LRP6: variants seen among roughly 807,000 people sequenced by gnomAD.
LRP6 encodes the protein low-density lipoprotein receptor-related protein 6.
LRP6 carries 43 observed loss-of-function variants against 184.1 expected under a neutral mutation model. The ratio of observed to expected loss-of-function variants is 0.23; its 90% CI spans 0.18 to 0.30. The LOEUF (loss-of-function observed/expected upper bound fraction) is 0.30, where lower values mean the gene tolerates loss of function less well. Among genes scored for constraint, LRP6 ranks in the 10% least tolerant of loss-of-function variants. The pLI, the probability that LRP6 is intolerant of heterozygous loss-of-function variation, is 1.00. For missense variants in LRP6, 1,571 were observed against 2,005.3 expected (o/e 0.78, Z 4.14); for synonymous variants, 719 against 684.9 (o/e 1.05, Z -0.78).
At chr12:12,135,906 C>T (rs1165880825) in intron 16 of LRP6, among the ~76,000 whole-genome samples, 1 of 151,964 alleles carries the variant, frequency 6.6e-6, no homozygotes, top group Non-Finnish European at 1.5e-5. Flanking sequence ...AGGGAGAGGC[C>T]GGGTGCGGTG....
intron 15 of LRP6, among the ~76,000 whole-genome samples, chr12:12,146,758 TG>T (rs1950012981): frequency 6.6e-6 from 1 of 152,194 alleles, no homozygotes; most frequent in Non-Finnish European, 1.5e-5. Context: ...TAAACTTTCA[TG>T]GAGAAAAACT....
At chr12:12,121,444 G>A (rs758481783) in intron 22 of LRP6, 24 bp from the exon 23 acceptor site, 4 of 1,610,372 alleles carry the variant, frequency 2.5e-6, no homozygotes, top group Non-Finnish European at 3.4e-6. Flanking sequence ...AAAATAAAGA[G>A]AAGCAGTTAG....
intron 12 of LRP6, among the ~76,000 whole-genome samples, chr12:12,152,631 A>G (rs1388549862): frequency 6.6e-6 from 1 of 152,176 alleles, no homozygotes; most frequent in Admixed American, 6.5e-5. Context: ...GTCTAAGGCC[A>G]TTTTTTAAAT....
Position 12,119,131 on chromosome 12 carries a change from T to A in LRP6, c.*1995A>T, listed in dbSNP as rs531250163. ...TGTCTGTTTTAGGATTCTGATAGAT[T>A]TACCATTTGCTTATATGCAAAATCA... On this transcript the variant is annotated 3_prime_UTR_variant, in exon 23 of 23. Coordinates refer to ENST00000261349, the MANE Select transcript of LRP6 (RefSeq NM_002336.3). 1.3e-5 allele frequency: 2 copies of A among 152,332 alleles called. No homozygotes were observed. The highest frequency in any genetic ancestry group is 6.5e-5 in the Admixed American group (1 of 15,304). The allele number at this position is 152,332 out of a possible 1,614,324, so 9.4% of individuals were successfully genotyped here. A position where few individuals can be genotyped will look rare whatever the true frequency, so the allele number is the denominator to read the frequency against.
chr12:12,163,424 A>G (rs989479410), intron 9 of LRP6, among the ~76,000 whole-genome samples: 1 of 152,228 alleles, frequency 6.6e-6, no homozygotes, highest in Non-Finnish European at 1.5e-5. Flanking sequence ...CATATTACAA[A>G]AAAGTTTACA....
At chr12:12,211,397 G>A (rs569446569) in intron 2 of LRP6, among the ~76,000 whole-genome samples, 6 of 152,296 alleles carry the variant, frequency 3.9e-5, no homozygotes, top group South Asian at 2.1e-4. Flanking sequence ...AGCCGAGATC[G>A]TGCCACTGCA....
At position 12,225,119 on chromosome 12, in the gene LRP6, C is replaced by A. The variant is rs145053907; in HGVS notation, c.449+19143G>T. Among the ~76,000 whole-genome samples the A allele has an allele frequency of 1.4e-3, 210 of 152,202 alleles. 3 individuals are homozygous for A. In the East Asian group the frequency reaches 0.036, roughly 26 times the overall value. On this transcript the variant is annotated intron_variant, in intron 2 of 22. Coordinates refer to ENST00000261349, the MANE Select transcript of LRP6 (RefSeq NM_002336.3). ...ACTTGGGAGGCTGAGGCAGGCGAAT[C>A]GCTTGAACCCAGTGGGTGGAGGATG...
At chr12:12,121,766 G>A (rs1949610494) in intron 22 of LRP6, among the ~76,000 whole-genome samples, 1 of 152,108 alleles carries the variant, frequency 6.6e-6, no homozygotes, top group African/African-American at 2.4e-5. Context: ...ATAGCCCATG[G>A]GAAGAATGGG....
At chr12:12,234,437 G>A (rs1335005124) in intron 2 of LRP6, among the ~76,000 whole-genome samples, 1 of 151,826 alleles carries the variant, frequency 6.6e-6, no homozygotes, top group African/African-American at 2.4e-5. Flanking sequence ...GCGACAGAGT[G>A]AGACTCCGTC....
intron 3 of LRP6, among the ~76,000 whole-genome samples, chr12:12,194,952 G>T (rs1171068682): frequency 2.0e-5 from 3 of 151,990 alleles, no homozygotes; most frequent in Admixed American, 1.3e-4. Flanking sequence ...GAACATGCAT[G>T]GTTTAATTTT....
rs147716341 is a variant in LRP6, at chr12:12,146,037, C to T, written c.3397+1329G>A. Among the ~76,000 whole-genome samples, 427 of 152,204 alleles carry T rather than the reference C, an allele frequency of 2.8e-3. 2 individuals carry two copies. Among genetic ancestry groups the T allele is most frequent in the African/African-American group, 0.01 (416 of 41,556 alleles). ...ACAAAACTAGATCTTAAGAATTTTT[C>T]TGAAATTTAATTTTTAAAAATCATT... On this transcript the variant is annotated intron_variant, in intron 15 of 22. Transcript: ENST00000261349.
intron 4 of LRP6, 117 bp downstream of exon 4, chr12:12,186,806 T>C (rs1863487445): frequency 1.1e-6 from 1 of 948,598 alleles, no homozygotes; most frequent in Non-Finnish European, 1.7e-6. Context: ...AACTCTTTTT[T>C]ATTCCCGCCA....
intron 16 of LRP6, among the ~76,000 whole-genome samples, chr12:12,136,501 A>AT (rs1330019553): frequency 6.6e-6 from 1 of 152,248 alleles, no homozygotes; most frequent in African/African-American, 2.4e-5. Flanking sequence ...AGAAACCACT[A>AT]GGCAACTTTT....
At position 12,254,933 on chromosome 12, in the gene LRP6, T is replaced by C. The variant is rs559280218; in HGVS notation, c.56-10278A>G. ...ATGGTCAGTTCTTGACTTACCTTTA[T>C]AGTCTCAAGAGGCATTTTAAAGTCC... is the stretch of plus-strand genomic sequence containing the variant. On this transcript the variant is annotated intron_variant, in intron 1 of 22. Coordinates refer to ENST00000261349, the MANE Select transcript of LRP6 (RefSeq NM_002336.3). 1.9e-3 allele frequency among the ~76,000 whole-genome samples: 288 copies of C among 152,332 alleles called. 3 individuals carry two copies. In the South Asian group the frequency reaches 0.025, roughly 13 times the overall value.
At chr12:12,131,140 C>T (rs949962247) in intron 18 of LRP6, among the ~76,000 whole-genome samples, 9 of 111,904 alleles carry the variant, frequency 8.0e-5, no homozygotes, top group African/African-American at 3.0e-4. Context: ...CGGAGTCTTG[C>T]TCTGTCGCCC....
At chr12:12,265,392 GA>G (rs1170913274) in intron 1 of LRP6, among the ~76,000 whole-genome samples, 1 of 151,986 alleles carries the variant, frequency 6.6e-6, no homozygotes, top group Non-Finnish European at 1.5e-5. Context: ...AGTAACTGAA[GA>G]AAGTATTTCT....
chr12:12,184,300 G>T (rs540449888), intron 4 of LRP6, among the ~76,000 whole-genome samples, 189 bp from the exon 5 acceptor site: 15 of 152,070 alleles, frequency 9.9e-5, no homozygotes, highest in Non-Finnish European at 7.4e-5. Flanking sequence ...TAACCAAAGA[G>T]GAATACACAA....
At position 12,127,231 on chromosome 12, in the gene LRP6, A is replaced by C. The variant is rs947966249; in HGVS notation, c.4082-310T>G. On this transcript the variant is annotated intron_variant, in intron 19 of 22. Coordinates refer to ENST00000261349, the MANE Select transcript of LRP6 (RefSeq NM_002336.3). ...AGTACAGATTTAAACACCATTAAGAAGCTTTAAATAAATAAACAGATAAAA... is the reference window on the plus strand; with the variant it reads ...AGTACAGATTTAAACACCATTAAGACGCTTTAAATAAATAAACAGATAAAA... Among the ~76,000 whole-genome samples, 3 of 152,248 alleles carry C rather than the reference A, an allele frequency of 2.0e-5. No individual in the cohort carries two copies. The East Asian group carries it at 5.8e-4, about 29-fold the overall frequency.
chr12:12,151,632 C>T (rs1315887763), intron 12 of LRP6, among the ~76,000 whole-genome samples: 4 of 152,010 alleles, frequency 2.6e-5, no homozygotes, highest in Non-Finnish European at 5.9e-5. Flanking sequence ...AATTTTACAA[C>T]GTATATGAAA....
Sources: gnomAD v4.1 joint callset for allele counts (sites outside exome capture counted in the v4.1 genomes callset) on GRCh38, gnomAD v4.1.1 for gene constraint, MANE v1.5 for transcripts, NCBI Gene and HGNC (gene_info 2026-07-23, HGNC 2026-07-21) for gene names.